Variants in BCCIP observed in about 807,000 individuals in gnomAD.
The protein encoded by BCCIP is BRCA2 and CDKN1A-interacting protein.
A neutral mutation model predicts 32.8 loss-of-function variants in BCCIP; 23 were observed. That is an observed-to-expected ratio of 0.70 (90% CI 0.51 to 0.99). The LOEUF is 0.99. BCCIP is among the 50% of genes least tolerant of loss of function. BCCIP has a pLI of 0.00. For missense variants in BCCIP, 378 were observed against 379.8 expected, an observed-to-expected ratio of 1.00 and a Z score of 0.04; for synonymous variants, 144 against 137.6, an observed-to-expected ratio of 1.05 and a Z score of -0.33.
intron 1 of BCCIP, 81 bp from the exon 2 acceptor site, chr10:125,826,510 A>G: frequency 6.3e-7 from 1 of 1,579,294 alleles, no homozygotes; most frequent in Non-Finnish European, 8.6e-7. Flanking sequence ...CACAGATGGC[A>G]ATCTTGGCAA....
At chr10:125,838,678 A>G (rs1480093025), downstream of BCCIP, among the ~76,000 whole-genome samples, 1 of 152,106 alleles carries the variant, frequency 6.6e-6, no homozygotes, top group Non-Finnish European at 1.5e-5. Flanking sequence ...GCTACCCACC[A>G]TACTATGGGC....
chr10:125,847,698 A>G (rs10901454), downstream of BCCIP, among the ~76,000 whole-genome samples: 72,867 of 151,914 alleles, frequency 0.48, 18,015 homozygotes, highest in African/African-American at 0.58. Context: ...ATAATTATAC[A>G]ACTCATCATA....
At position 125,823,689 on chromosome 10, in the gene BCCIP, G is replaced by A. The variant is rs758229366; in HGVS notation, c.132G>A (p.Lys44=). 3.1e-6 allele frequency: 5 copies of A among 1,614,160 alleles called. No individual in the cohort carries two copies. Among genetic ancestry groups the A allele is most frequent in the South Asian group, 2.2e-5 (2 of 91,084 alleles). Reference sequence around the variant, plus strand: ...ATGAAGACGATGATGACAGTGACAAGGAAAAGGATGAAGAGGACGAGGTCA... The same window carrying A: ...ATGAAGACGATGATGACAGTGACAAAGAAAAGGATGAAGAGGACGAGGTCA... ...NEDEDDDDSD[K]EKDEEDEVID... The change falls in exon 1 of 7, where the codon AAG becomes AAA. Residue 44 remains lysine (K), a synonymous_variant. Transcript: ENST00000278100.
At chr10:125,836,632 G>T, downstream of BCCIP, 1 of 1,585,430 alleles carries the variant, frequency 6.3e-7, no homozygotes, top group South Asian at 1.2e-5. Flanking sequence ...ATATCCAGCA[G>T]TTCAGCCATC....
downstream of BCCIP, among the ~76,000 whole-genome samples, chr10:125,845,129 T>G (rs1482050646): frequency 1.3e-5 from 2 of 152,198 alleles, no homozygotes; most frequent in African/African-American, 4.8e-5. Context: ...ACAGGCCAAG[T>G]GGAGTCCAAG....
downstream of BCCIP, chr10:125,838,273 G>C (rs2134021025): frequency 6.2e-7 from 1 of 1,613,758 alleles, no homozygotes; most frequent in East Asian, 2.2e-5. Flanking sequence ...TTATGGAAGA[G>C]GACCCACTCT....
downstream of BCCIP, among the ~76,000 whole-genome samples, chr10:125,837,268 C>G (rs114637739): frequency 7.2e-3 from 1,091 of 152,284 alleles, 13 homozygotes; most frequent in African/African-American, 0.025. Context: ...AGCCAGACAT[C>G]TATGAGTCAC....
rs781480402 is a variant in BCCIP, at chr10:125,827,618, C to T, written c.301C>T (p.His101Tyr). The T allele has an allele frequency of 6.2e-7, 1 of 1,610,474 alleles. No homozygotes were observed. Among genetic ancestry groups the T allele is most frequent in the Non-Finnish European group, 8.5e-7 (1 of 1,176,872 alleles). ...AACAGATCTCTTAATTCAACAGAAC[C>T]ATATTGGGAGTGTGATTAAGGTAAG... ...ELTDLLIQQNHIGSVIKQTDV... is the reference protein window; with the variant it reads ...ELTDLLIQQNYIGSVIKQTDV... The change falls in exon 3 of 7, where the codon CAT (histidine) becomes TAT (tyrosine). Residue 101 changes from histidine (H) to tyrosine (Y), a missense_variant. Physicochemically the swap from His to Tyr is moderately conservative, Grantham distance 83. Coordinates refer to ENST00000278100, the MANE Select transcript of BCCIP (RefSeq NM_078468.3).
chr10:125,825,356 C>G (rs1194307111), intron 1 of BCCIP: 1 of 152,152 alleles, frequency 6.6e-6, no homozygotes, highest in Non-Finnish European at 1.5e-5. Context: ...GAAAAAAACA[C>G]TAGATGAGCA....
downstream of BCCIP, among the ~76,000 whole-genome samples, chr10:125,845,998 G>A (rs1315181960): frequency 6.6e-6 from 1 of 152,224 alleles, no homozygotes; most frequent in East Asian, 1.9e-4. Context: ...CCACCGCCCA[G>A]GCCTCAGAAA....
At chr10:125,839,052 C>T, downstream of BCCIP, 1 of 1,614,198 alleles carries the variant, frequency 6.2e-7, no homozygotes, top group East Asian at 2.2e-5. Context: ...GAGTGTTTTC[C>T]TTGGAGCCAA....
At chr10:125,835,289 A>T (rs960450625) in intron 6 of BCCIP, among the ~76,000 whole-genome samples, 10 of 151,908 alleles carry the variant, frequency 6.6e-5, no homozygotes, top group South Asian at 2.1e-4. Flanking sequence ...CATAATTTTT[A>T]AAAAACATAG....
At chr10:125,833,070 C>T (rs1200046245) in intron 5 of BCCIP, among the ~76,000 whole-genome samples, 2 of 149,814 alleles carry the variant, frequency 1.3e-5, no homozygotes, top group African/African-American at 2.5e-5. Context: ...TGCAGTGAGC[C>T]GAGATTGTGC....
chr10:125,836,800 T>C, downstream of BCCIP: 1 of 1,614,170 alleles, frequency 6.2e-7, no homozygotes, highest in Non-Finnish European at 8.5e-7. Context: ...AGAATGTCCT[T>C]ACTTTCACTA....
At chr10:125,843,469 G>A (rs1466789638), downstream of BCCIP, among the ~76,000 whole-genome samples, 1 of 152,080 alleles carries the variant, frequency 6.6e-6, no homozygotes, top group African/African-American at 2.4e-5. Flanking sequence ...AAAATTAGCC[G>A]GGCGTGGTGG....
chr10:125,850,897 C>T (rs187381242), intron 7 of BCCIP, among the ~76,000 whole-genome samples: 2 of 152,346 alleles, frequency 1.3e-5, no homozygotes, highest in Admixed American at 1.3e-4. Context: ...GTACCACTGC[C>T]TTCCCAGGGT....
chr10:125,842,021 C>T, exon 7 of BCCIP: 1 of 1,402,670 alleles, frequency 7.1e-7, no homozygotes, highest in Non-Finnish European at 9.3e-7. Context: ...CTGCATGAAA[C>T]AAGCAAACAA....
intron 7 of BCCIP, among the ~76,000 whole-genome samples, chr10:125,851,322 C>A (rs754914091): frequency 6.6e-6 from 1 of 152,158 alleles, no homozygotes; most frequent in Non-Finnish European, 1.5e-5. Flanking sequence ...TAAATTGTTA[C>A]CCTAACCCTT....
At chr10:125,849,067 C>A (rs1944058765) in intron 7 of BCCIP, among the ~76,000 whole-genome samples, 3 of 152,188 alleles carry the variant, frequency 2.0e-5, no homozygotes, top group Non-Finnish European at 4.4e-5. Context: ...CTGTTTCCAC[C>A]TTTCATCCCA....
Sources: allele counts gnomAD v4.1 joint callset (sites outside exome capture counted in the v4.1 genomes callset), GRCh38; gene constraint gnomAD v4.1.1; transcripts MANE v1.5; gene names NCBI Gene and HGNC (gene_info 2026-07-23, HGNC 2026-07-21).